The following CYB5D2 variants were observed in gnomAD, a reference collection of about 807,000 sequenced individuals.
CYB5D2 encodes cytochrome b5 domain containing 2, also known as neuferricin.
CYB5D2 carries 23 observed loss-of-function variants against 22.8 expected under a neutral mutation model. The ratio of observed to expected loss-of-function variants is 1.01; its 90% CI spans 0.73 to 1.43. The LOEUF is 1.43. Ranked by LOEUF, CYB5D2 falls within the 40% of genes most tolerant of loss-of-function variation. The probability of loss-of-function intolerance (pLI) is 0.00; values close to 1 mark genes in which losing one functional copy is unlikely to be tolerated. For synonymous variants in CYB5D2, 170 were observed against 152.2 expected (o/e 1.12, Z -0.86); for missense variants, 373 against 357.2 (o/e 1.04, Z -0.36).
intron 1 of CYB5D2, 61 bp downstream of exon 1, chr17:4,144,066 G>T: frequency 1.3e-6 from 2 of 1,521,784 alleles, no homozygotes; most frequent in Non-Finnish European, 1.8e-6. Flanking sequence ...CCACCTGCGC[G>T]TCGTTCGTTG....
chr17:4,144,456 TC>T (rs1227342496), intron 1 of CYB5D2, among the ~76,000 whole-genome samples: 1 of 152,144 alleles, frequency 6.6e-6, no homozygotes, highest in African/African-American at 2.4e-5. Context: ...CATAGTGTTT[TC>T]AAGGTTCATC....
intron 1 of CYB5D2, among the ~76,000 whole-genome samples, chr17:4,145,470 C>T (rs1055850767): frequency 2.0e-5 from 3 of 152,222 alleles, no homozygotes; most frequent in African/African-American, 7.2e-5. Flanking sequence ...TTTCGTTGCG[C>T]TGCCCTGCTG....
chr17:4,146,426 T>C (rs1033398384), intron 1 of CYB5D2, among the ~76,000 whole-genome samples: 8 of 151,940 alleles, frequency 5.3e-5, no homozygotes, highest in African/African-American at 1.9e-4. Flanking sequence ...AGTCTCACTC[T>C]GTCGCCCAGG....
chr17:4,143,676 G>C lies in CYB5D2; in HGVS notation c.-80G>C. 6.6e-7 allele frequency: 1 copy of C among 1,519,196 alleles called. No homozygotes were observed. The highest frequency in any genetic ancestry group is 8.8e-7 in the Non-Finnish European group (1 of 1,133,162). The allele number at this position is 1,519,196 out of a possible 1,614,324, so 94.1% of individuals were successfully genotyped here. ...GAGCGAGAGCGCGCGCGCCGATGAC[G>C]TCACGCTCGGCGTCTCGGCCATCTT... On this transcript the variant is annotated 5_prime_UTR_variant, in exon 1 of 4. Transcript: ENST00000301391.
Position 4,143,607 on chromosome 17 carries a change from GAGAGACTA to G in CYB5D2, c.-146_-139del. 1 of 1,127,804 alleles carries G rather than the reference GAGAGACTA, an allele frequency of 8.9e-7. No homozygotes were observed. The highest frequency in any genetic ancestry group is 1.6e-5 in the South Asian group (1 of 62,306). The allele number at this position is 1,127,804 out of a possible 1,614,324, so 69.9% of individuals were successfully genotyped here. ...AGTGCCAGGAATACAGATAAAACGAGAGAGACTAAGGGAGGGAGCGCGAGCACTAGCGC... is the reference window on the plus strand; with the variant it reads ...AGTGCCAGGAATACAGATAAAACGAGAGGGAGGGAGCGCGAGCACTAGCGC... On this transcript the variant is annotated 5_prime_UTR_variant, in exon 1 of 4. Transcript: ENST00000301391.
At chr17:4,155,438 C>T (rs1026438718) in intron 3 of CYB5D2, among the ~76,000 whole-genome samples, 9 of 151,716 alleles carry the variant, frequency 5.9e-5, no homozygotes, top group African/African-American at 1.7e-4. Context: ...GGCAACATAA[C>T]AAAAAAACAG....
Position 4,147,479 on chromosome 17 carries a change from TAAAAGG to T in CYB5D2, c.251-2406_251-2401del, listed in dbSNP as rs1183272129. ...AATGTATTATTTTTGTGAAAAGTGT[TAAAAGG>T]AAAAGTACTGGTGTTACCAGAGGCT... On this transcript the variant is annotated intron_variant, in intron 1 of 3. Coordinates refer to ENST00000301391, the MANE Select transcript of CYB5D2 (RefSeq NM_144611.4). Among the ~76,000 whole-genome samples the T allele has an allele frequency of 6.6e-5, 10 of 152,322 alleles. No individual in the cohort carries two copies. The South Asian group carries it at 1.7e-3, about 25-fold the overall frequency.
intron 3 of CYB5D2, among the ~76,000 whole-genome samples, chr17:4,156,587 C>T: frequency 6.6e-6 from 1 of 152,228 alleles, no homozygotes; most frequent in East Asian, 1.9e-4. Context: ...GGTGCTGCCT[C>T]CTAAGAAGGG....
intron 1 of CYB5D2, among the ~76,000 whole-genome samples, chr17:4,147,280 A>G (rs1384308057): frequency 6.6e-6 from 1 of 152,178 alleles, no homozygotes; most frequent in African/African-American, 2.4e-5. Context: ...CAAAAAAGAA[A>G]AAAACTATGT....
rs148549266 is a variant in CYB5D2 at position 4,143,314 on chromosome 17, G to C, written c.-442G>C. 4.4e-3 allele frequency: 766 copies of C among 173,950 alleles called. 5 individuals carry two copies. The highest frequency in any genetic ancestry group is 0.018 in the African/African-American group (742 of 42,278). The allele number at this position is 173,950 out of a possible 1,614,324, so 10.8% of individuals were successfully genotyped here. Reference sequence around the variant, plus strand: ...GGCCGAGACGGGTGGATCACCTGAGGTCAGGAGTTCGAGACCAGCCTGACC... The same window carrying C: ...GGCCGAGACGGGTGGATCACCTGAGCTCAGGAGTTCGAGACCAGCCTGACC... On this transcript the variant is annotated 5_prime_UTR_variant, in exon 1 of 4. Transcript: ENST00000301391.
intron 1 of CYB5D2, among the ~76,000 whole-genome samples, chr17:4,144,849 T>G (rs1178367291): frequency 1.3e-5 from 2 of 152,050 alleles, no homozygotes; most frequent in Non-Finnish European, 2.9e-5. Context: ...TGCAGTGGCC[T>G]GATCTCGGCT....
rs2058913148 is a variant in CYB5D2, at chr17:4,143,445, G to C, written c.-311G>C. ...GGAGGCTGAGGCAGGAGAATCGCTT[G>C]AACCCGGGAGGCGGAGGTTGCAGTG... On this transcript the variant is annotated 5_prime_UTR_variant, in exon 1 of 4. Coordinates refer to ENST00000301391, the MANE Select transcript of CYB5D2 (RefSeq NM_144611.4). 8.9e-6 allele frequency: 2 copies of C among 224,434 alleles called. No individual in the cohort carries two copies. The highest frequency in any genetic ancestry group is 7.6e-5 in the South Asian group (1 of 13,180). The allele number at this position is 224,434 out of a possible 1,614,324, so 13.9% of individuals were successfully genotyped here.
At chr17:4,156,410 T>C (rs2059112868) in intron 3 of CYB5D2, among the ~76,000 whole-genome samples, 1 of 152,224 alleles carries the variant, frequency 6.6e-6, no homozygotes. Flanking sequence ...CAGGGCCCAA[T>C]TGCCCACCCC....
chr17:4,155,249 T>C (rs551303762), intron 3 of CYB5D2, among the ~76,000 whole-genome samples: 16 of 152,206 alleles, frequency 1.1e-4, no homozygotes, highest in African/African-American at 3.6e-4. Flanking sequence ...GCACAAATCA[T>C]GCCTATCTAT....
chr17:4,144,157 A>C, intron 1 of CYB5D2, 152 bp downstream of exon 1: 7 of 1,118,534 alleles, frequency 6.3e-6, no homozygotes, highest in Non-Finnish European at 7.4e-6. Flanking sequence ...AGCTGCATGC[A>C]CTATCCTTCT....
intron 2 of CYB5D2, among the ~76,000 whole-genome samples, chr17:4,151,696 G>GA (rs766300172): frequency 2.7e-5 from 4 of 148,868 alleles, no homozygotes; most frequent in Non-Finnish European, 4.5e-5. Flanking sequence ...CAAAAAAAAA[G>GA]AAAAAAAAGA....
In CYB5D2 at chr17:4,157,061, C is replaced by G; in HGVS notation, c.774C>G (p.Ile258Met). ...AEYTGCPPLAITCSFPL is the reference protein window; with the variant it reads ...AEYTGCPPLAMTCSFPL ...ACACAGGCTGCCCACCGCTAGCCATCACATGCTCCTTTCCACTCTAAGCCG... is the reference window on the plus strand; with the variant it reads ...ACACAGGCTGCCCACCGCTAGCCATGACATGCTCCTTTCCACTCTAAGCCG... The change falls in exon 4 of 4, where the codon ATC becomes ATG. Residue 258 changes from isoleucine (I) to methionine (M), a missense_variant. Coordinates refer to ENST00000301391, the MANE Select transcript of CYB5D2 (RefSeq NM_144611.4). The surrounding 1 kb of genome is among the most constrained non-coding windows in gnomAD (Gnocchi z 4.4). 6.2e-7 allele frequency: 1 copy of G among 1,612,460 alleles called. No individual in the cohort carries two copies.
In CYB5D2 at chr17:4,143,905, A is replaced by C; in HGVS notation, c.150A>C (p.Pro50=). Residue 50 remains proline, a synonymous_variant, in exon 1 of 4, where the codon CCA becomes CCC. Coordinates refer to ENST00000301391, the MANE Select transcript of CYB5D2 (RefSeq NM_144611.4). The part of the protein sequence containing the change: ...PEELSRYRGG[P]GDPGLYLALL... ...AGCTGTCTCGCTACCGCGGCGGCCCAGGGGACCCGGGCCTGTACTTGGCGT... is the reference window on the plus strand; with the variant it reads ...AGCTGTCTCGCTACCGCGGCGGCCCCGGGGACCCGGGCCTGTACTTGGCGT... 6.2e-7 allele frequency: 1 copy of C among 1,613,792 alleles called. No homozygotes were observed. Among genetic ancestry groups the C allele is most frequent in the Non-Finnish European group, 8.5e-7 (1 of 1,179,994 alleles).
In CYB5D2 at chr17:4,156,131, A is replaced by C. The variant is rs544584450; in HGVS notation, c.579-735A>C. ...GGGGGCAGTTTCTCTGACAGCAGGCACCGGAAGCTGTCTGAGGCGTCAGTT... is the reference window on the plus strand; with the variant it reads ...GGGGGCAGTTTCTCTGACAGCAGGCCCCGGAAGCTGTCTGAGGCGTCAGTT... On this transcript the variant is annotated intron_variant, in intron 3 of 3. Coordinates refer to ENST00000301391, the MANE Select transcript of CYB5D2 (RefSeq NM_144611.4). 3.3e-4 allele frequency among the ~76,000 whole-genome samples: 50 copies of C among 152,354 alleles called. 1 individual carries two copies. The highest frequency in any genetic ancestry group is 1.2e-3 in the African/African-American group (49 of 41,576).
Sources: gnomAD v4.1 joint callset for allele counts (sites outside exome capture counted in the v4.1 genomes callset) on GRCh38, gnomAD v4.1.1 for gene constraint, Gnocchi (gnomAD v3.1) non-coding constraint, MANE v1.5 for transcripts, NCBI Gene and HGNC (gene_info 2026-07-23, HGNC 2026-07-21) for gene names.